RBP5: variants seen among roughly 807,000 people sequenced by gnomAD.
RBP5 encodes the protein retinol-binding protein 5.
RBP5 carries 12 observed loss-of-function variants against 17.8 expected under a neutral mutation model. The ratio of observed to expected loss-of-function variants is 0.67; its 90% CI spans 0.43 to 1.09. The LOEUF (loss-of-function observed/expected upper bound fraction) is 1.09, where lower values mean the gene tolerates loss of function less well. RBP5 is among the 50% of genes least tolerant of loss of function. The probability of loss-of-function intolerance (pLI) is 0.00; values close to 1 mark genes in which losing one functional copy is unlikely to be tolerated. For synonymous variants in RBP5, 64 were observed against 68.1 expected (o/e 0.94, Z 0.30); for missense variants, 172 against 169.4 (o/e 1.02, Z -0.09).
chr12:7,128,365 TCTC>T lies in RBP5; in HGVS notation c.124_126del (p.Glu42del), dbSNP rs1330036542. The T allele has an allele frequency of 7.4e-6, 12 of 1,614,072 alleles. No homozygotes were observed. In the African/African-American group the frequency reaches 1.3e-4, roughly 18 times the overall value. ...GTCATGTGGTTGCCCTGGTGTTCGA[TCTC>T]CTTGTCCGGCTTCAGCAGCAGCGCG... On this transcript the variant is annotated inframe_deletion, in exon 2 of 4. Coordinates refer to ENST00000266560, the MANE Select transcript of RBP5 (RefSeq NM_031491.4). This position sits in a 1 kb window ranked among gnomAD's most constrained non-coding sequence, Gnocchi z 5.3.
chr12:7,120,764 A>C (rs1343507965), downstream of RBP5: 1 of 153,566 alleles, frequency 6.5e-6, no homozygotes, highest in African/African-American at 2.4e-5. Flanking sequence ...GGTGGCTAAC[A>C]CCTGTAATCC....
chr12:7,120,223 G>C (rs777621926), downstream of RBP5, among the ~76,000 whole-genome samples: 1 of 152,210 alleles, frequency 6.6e-6, no homozygotes, highest in African/African-American at 2.4e-5. Flanking sequence ...GGAAAGGTGA[G>C]TGTGGAAGGT....
chr12:7,124,624 T>G lies in RBP5; in HGVS notation c.354+5A>C. The stretch of plus-strand genomic sequence containing the variant: ...TCCCAGACACCCAGCCCCCACCCCA[T>G]TTACCAGATACAGCATCTCTCCCTC... On this transcript the variant is annotated splice_donor_5th_base_variant and intron_variant, in intron 3 of 3. Transcript: ENST00000266560. This position sits in a 1 kb window ranked among gnomAD's most constrained non-coding sequence, Gnocchi z 5.3. 2 of 930,298 alleles carry G rather than the reference T, an allele frequency of 2.1e-6. No individual in the cohort carries two copies. The highest frequency in any genetic ancestry group is 3.4e-6 in the Non-Finnish European group (2 of 583,582). 57.6% of individuals were successfully genotyped at this position (930,298 alleles called of 1,614,324 possible). A position where few individuals can be genotyped will look rare whatever the true frequency, so the allele number is the denominator to read the frequency against.
In RBP5 at chr12:7,124,739, GA is replaced by G; in HGVS notation, c.253-10del. The stretch of plus-strand genomic sequence containing the variant: ...TCCCAGGTTACTATGGTCTATAGGG[GA>G]AAGAGGGAGTAAAGAAAGATTAGGA... On this transcript the variant is annotated splice_polypyrimidine_tract_variant and intron_variant, in intron 2 of 3. Transcript: ENST00000266560. The surrounding 1 kb of genome is among the most constrained non-coding windows in gnomAD (Gnocchi z 5.3). 1 of 1,521,754 alleles carries G rather than the reference GA, an allele frequency of 6.6e-7. No individual in the cohort carries two copies. Among genetic ancestry groups the G allele is most frequent in the Non-Finnish European group, 9.1e-7 (1 of 1,096,256 alleles). 94.3% of individuals were successfully genotyped at this position (1,521,754 alleles called of 1,614,324 possible).
chr12:7,124,005 G>T lies in RBP5; in HGVS notation c.*116C>A. On this transcript the variant is annotated 3_prime_UTR_variant, in exon 4 of 4. Transcript: ENST00000266560. This position sits in a 1 kb window ranked among gnomAD's most constrained non-coding sequence, Gnocchi z 5.3. ...GGAGGGGTGAGGAGGGACCCAGAGG[G>T]AGGAAAGGTGGCCAGAGGAAGGGAC... 1 of 957,848 alleles carries T rather than the reference G, an allele frequency of 1.0e-6. No homozygotes were observed. Among genetic ancestry groups the T allele is most frequent in the Non-Finnish European group, 1.7e-6 (1 of 589,022 alleles). 59.3% of individuals were successfully genotyped at this position (957,848 alleles called of 1,614,324 possible). A position where few individuals can be genotyped will look rare whatever the true frequency, so the allele number is the denominator to read the frequency against.
downstream of RBP5, among the ~76,000 whole-genome samples, chr12:7,121,295 T>C (rs1159644889): frequency 1.3e-5 from 2 of 152,144 alleles, no homozygotes. Context: ...AAAATGGCCA[T>C]GCCTCTGCTG....
rs1158168330 is a variant in RBP5 at position 7,128,331 on chromosome 12, G to A, written c.161C>T (p.Thr54Met). 3.0e-5 allele frequency: 49 copies of A among 1,613,858 alleles called. No homozygotes were observed. The highest frequency in any genetic ancestry group is 6.6e-5 in the South Asian group (6 of 91,072). The change falls in exon 2 of 4, where the codon ACG becomes ATG. Residue 54 changes from threonine (T) to methionine (M), a missense_variant. Coordinates refer to ENST00000266560, the MANE Select transcript of RBP5 (RefSeq NM_031491.4). This position sits in a 1 kb window ranked among gnomAD's most constrained non-coding sequence, Gnocchi z 5.3. ...AGTGTAGTTTCGGAAGGTGCTGAGCGTCCTCACCGTCATGTGGTTGCCCTG... is the reference window on the plus strand; with the variant it reads ...AGTGTAGTTTCGGAAGGTGCTGAGCATCCTCACCGTCATGTGGTTGCCCTG... ...EHQGNHMTVR[T>M]LSTFRNYTVQ... is the part of the protein sequence containing the mutation.
intron 2 of RBP5, among the ~76,000 whole-genome samples, chr12:7,126,432 A>T (rs941165791): frequency 2.0e-5 from 3 of 151,872 alleles, no homozygotes; most frequent in African/African-American, 7.3e-5. Flanking sequence ...ATCTGAAGTT[A>T]GCAGCTGCTA....
intron 2 of RBP5, chr12:7,127,466 A>T (rs2135785262): frequency 1.8e-6 from 1 of 556,734 alleles, no homozygotes. Flanking sequence ...TAGATTACTT[A>T]TAATACCTAA....
chr12:7,125,148 C>T (rs1424007048), intron 2 of RBP5, among the ~76,000 whole-genome samples: 2 of 152,130 alleles, frequency 1.3e-5, no homozygotes, highest in Non-Finnish European at 1.5e-5. Flanking sequence ...CTCAAGTGAT[C>T]CGCCCGCCAC....
At chr12:7,125,499 C>A (rs904924617) in intron 2 of RBP5, among the ~76,000 whole-genome samples, 1 of 152,172 alleles carries the variant, frequency 6.6e-6, no homozygotes, top group South Asian at 2.1e-4. Context: ...GCATTCCAAT[C>A]AACCTTTATT....
At chr12:7,126,221 C>T (rs1270176291) in intron 2 of RBP5, among the ~76,000 whole-genome samples, 1 of 151,574 alleles carries the variant, frequency 6.6e-6, no homozygotes, top group South Asian at 2.1e-4. Flanking sequence ...GGGTCAGGAG[C>T]CATATTAGAA....
chr12:7,119,684 G>A (rs1939053157), downstream of RBP5: 1 of 154,772 alleles, frequency 6.5e-6, no homozygotes, highest in Non-Finnish European at 1.5e-5. Context: ...ATCATCAGGT[G>A]AAGAGGCAGG....
intron 2 of RBP5, chr12:7,127,565 C>T: frequency 4.3e-5 from 27 of 624,088 alleles, no homozygotes; most frequent in Middle Eastern, 3.4e-4. Flanking sequence ...TTTTATTTTT[C>T]CCAAATATTT....
At chr12:7,123,393 T>C (rs1939108342), downstream of RBP5, among the ~76,000 whole-genome samples, 1 of 152,188 alleles carries the variant, frequency 6.6e-6, no homozygotes. Context: ...GTCTACTTCC[T>C]TTTTCAGCTT....
At chr12:7,123,552 G>T (rs771501977), downstream of RBP5, 81 of 152,928 alleles carry the variant, frequency 5.3e-4, no homozygotes, top group Non-Finnish European at 7.6e-4. Context: ...GTATCAAATG[G>T]CCAGATGCCT....
downstream of RBP5, among the ~76,000 whole-genome samples, chr12:7,119,865 A>C (rs1939056078): frequency 6.6e-6 from 1 of 152,196 alleles, no homozygotes; most frequent in Non-Finnish European, 1.5e-5. Context: ...CGATTTGTAT[A>C]TACTCCTGCA....
rs1231546402 is a variant in RBP5 at position 7,124,608 on chromosome 12, C to T, written c.354+21G>A. 1 of 1,411,122 alleles carries T rather than the reference C, an allele frequency of 7.1e-7. No individual in the cohort carries two copies. Among genetic ancestry groups the T allele is most frequent in the African/African-American group, 1.4e-5 (1 of 71,406 alleles). 87.4% of individuals were successfully genotyped at this position (1,411,122 alleles called of 1,614,324 possible). On this transcript the variant is annotated intron_variant, in intron 3 of 3. Coordinates refer to ENST00000266560, the MANE Select transcript of RBP5 (RefSeq NM_031491.4). The surrounding 1 kb of genome is among the most constrained non-coding windows in gnomAD (Gnocchi z 5.3). ...TAGCTGGAGGCCCTTCTCCCAGACA[C>T]CCAGCCCCCACCCCATTTACCAGAT...
At position 7,124,612 on chromosome 12, in the gene RBP5, GCCCCCAC is replaced by G; in HGVS notation, c.354+10_354+16del. ...TGGAGGCCCTTCTCCCAGACACCCAGCCCCCACCCCATTTACCAGATACAGCATCTCT... is the reference window on the plus strand; with the variant it reads ...TGGAGGCCCTTCTCCCAGACACCCAGCCCATTTACCAGATACAGCATCTCT... On this transcript the variant is annotated intron_variant, in intron 3 of 3. Transcript: ENST00000266560. The surrounding 1 kb of genome is among the most constrained non-coding windows in gnomAD (Gnocchi z 5.3). 1 of 1,322,336 alleles carries G rather than the reference GCCCCCAC, an allele frequency of 7.6e-7. No individual in the cohort carries two copies. The highest frequency in any genetic ancestry group is 1.1e-6 in the Non-Finnish European group (1 of 915,224). The allele number at this position is 1,322,336 out of a possible 1,614,324, so 81.9% of individuals were successfully genotyped here. A position where few individuals can be genotyped will look rare whatever the true frequency, so the allele number is the denominator to read the frequency against.
Sources: allele counts gnomAD v4.1 joint callset (sites outside exome capture counted in the v4.1 genomes callset), GRCh38; gene constraint gnomAD v4.1.1; non-coding constraint Gnocchi (gnomAD v3.1); transcripts MANE v1.5; gene names NCBI Gene and HGNC (gene_info 2026-07-23, HGNC 2026-07-21).